The following LARP4B variants were observed in gnomAD, a reference collection of about 807,000 sequenced individuals.
LARP4B encodes the protein La ribonucleoprotein 4B, also known as la-related protein 4B.
Under a neutral mutation model 89.8 loss-of-function variants are expected in LARP4B, and 12 were observed. The observed-to-expected ratio is 0.13, with a 90% CI of 0.09 to 0.22. LARP4B has a LOEUF of 0.22. Among genes scored for constraint, LARP4B ranks in the 10% least tolerant of loss-of-function variants. LARP4B has a pLI of 1.00. For missense variants in LARP4B, 757 were observed against 947.7 expected, an observed-to-expected ratio of 0.80 and a Z score of 2.64; for synonymous variants, 367 against 363.3, an observed-to-expected ratio of 1.01 and a Z score of -0.12.
chr10:825,401 C>A, intron 12 of LARP4B, 85 bp from the exon 13 acceptor site: 1 of 1,295,898 alleles, frequency 7.7e-7, no homozygotes. Context: ...AATAGCTAAG[C>A]TGAAATCTGC....
intron 1 of LARP4B, among the ~76,000 whole-genome samples, chr10:927,194 T>C (rs534360086): frequency 1.3e-5 from 2 of 151,958 alleles, no homozygotes; most frequent in East Asian, 1.9e-4. Context: ...ATGGTTGAAA[T>C]AGGAGCCATG....
chr10:878,052 C>T (rs1294508278), intron 3 of LARP4B, among the ~76,000 whole-genome samples: 1 of 152,140 alleles, frequency 6.6e-6, no homozygotes, highest in Non-Finnish European at 1.5e-5. Context: ...GAAAGGGGCA[C>T]ACCAGAACCA....
chr10:821,401 G>C (rs1310990490), intron 13 of LARP4B, among the ~76,000 whole-genome samples: 1 of 152,106 alleles, frequency 6.6e-6, no homozygotes, highest in Non-Finnish European at 1.5e-5. Context: ...TCGCCTCCCA[G>C]CCTCAGGAAC....
At chr10:943,447 C>T in the LARP4B span, among the ~76,000 whole-genome samples, 1 of 150,668 alleles carries the variant, frequency 6.6e-6, no homozygotes, top group African/African-American at 2.4e-5. Context: ...TTTGTCTTTT[C>T]GAGACAGGGC....
chr10:963,957 T>G, the LARP4B span, among the ~76,000 whole-genome samples: 28 of 152,212 alleles, frequency 1.8e-4, no homozygotes, highest in Non-Finnish European at 2.9e-4. Flanking sequence ...GGGGGACACA[T>G]TCAAACCATA....
chr10:876,490 A>G (rs191480184), intron 3 of LARP4B, among the ~76,000 whole-genome samples: 39 of 152,384 alleles, frequency 2.6e-4, no homozygotes, highest in Admixed American at 5.2e-4. Context: ...AATATTAAAT[A>G]TTAAGCCTCT....
At chr10:964,295 G>A in the LARP4B span, among the ~76,000 whole-genome samples, 8 of 152,326 alleles carry the variant, frequency 5.3e-5, no homozygotes, top group South Asian at 2.1e-4. Flanking sequence ...TCGAACTCCC[G>A]ACCTCGTGAT....
the LARP4B span, among the ~76,000 whole-genome samples, chr10:946,894 A>C: frequency 6.6e-6 from 1 of 151,958 alleles, no homozygotes; most frequent in African/African-American, 2.4e-5. Flanking sequence ...TTTGAGACAG[A>C]GTCTTGCTCT....
At chr10:835,978 G>A (rs1833196031) in intron 8 of LARP4B, among the ~76,000 whole-genome samples, 1 of 152,034 alleles carries the variant, frequency 6.6e-6, no homozygotes. Flanking sequence ...TTCTCTAAGA[G>A]TGGCCGTGCT....
At chr10:947,691 G>A in the LARP4B span, among the ~76,000 whole-genome samples, 8 of 152,158 alleles carry the variant, frequency 5.3e-5, no homozygotes, top group East Asian at 1.9e-4. Flanking sequence ...GCGCAATCTC[G>A]GCTCACCGCA....
the LARP4B span, among the ~76,000 whole-genome samples, chr10:964,422 G>GTT: frequency 6.6e-6 from 1 of 150,742 alleles, no homozygotes; most frequent in Non-Finnish European, 1.5e-5. Context: ...AGTTATATCT[G>GTT]TTTTTTTTTT....
At chr10:943,832 G>A in the LARP4B span, among the ~76,000 whole-genome samples, 12 of 152,052 alleles carry the variant, frequency 7.9e-5, no homozygotes, top group South Asian at 2.1e-4. Context: ...TGTCTACTTC[G>A]CAGCTTTCTT....
intron 5 of LARP4B, among the ~76,000 whole-genome samples, chr10:862,711 T>C (rs1288899656): frequency 1.3e-5 from 2 of 151,756 alleles, no homozygotes; most frequent in East Asian, 1.9e-4. Flanking sequence ...AGTGAGCCGA[T>C]GTCTCACCAC....
intron 1 of LARP4B, among the ~76,000 whole-genome samples, chr10:925,051 T>A (rs1007652242): frequency 2.0e-5 from 3 of 152,208 alleles, no homozygotes; most frequent in Non-Finnish European, 4.4e-5. Context: ...TCATAAATAC[T>A]ATGAAAAAAG....
At chr10:827,880 T>C (rs1459820786) in intron 11 of LARP4B, among the ~76,000 whole-genome samples, 1 of 152,198 alleles carries the variant, frequency 6.6e-6, no homozygotes, top group African/African-American at 2.4e-5. Flanking sequence ...TTATAGAATG[T>C]GCTACTTCAA....
At chr10:885,504 CT>C (rs1835828411) in intron 2 of LARP4B, 136 bp downstream of exon 2, 1 of 546,360 alleles carries the variant, frequency 1.8e-6, no homozygotes, top group Non-Finnish European at 3.2e-6. Context: ...CTTTTCTCCC[CT>C]ACGAGACTCT....
intron 1 of LARP4B, among the ~76,000 whole-genome samples, chr10:894,666 T>C (rs536724372): frequency 1.3e-4 from 20 of 152,242 alleles, no homozygotes; most frequent in Non-Finnish European, 2.6e-4. Flanking sequence ...AGTATTGTTA[T>C]ATTTATTTTA....
intron 3 of LARP4B, among the ~76,000 whole-genome samples, chr10:867,909 A>G (rs1223750609): frequency 5.3e-5 from 8 of 150,344 alleles, no homozygotes; most frequent in East Asian, 2.0e-4. Flanking sequence ...CTGCTTGACT[A>G]TAAGTCTTAT....
chr10:978,761 C>G, the LARP4B span, among the ~76,000 whole-genome samples: 1 of 152,162 alleles, frequency 6.6e-6, no homozygotes, highest in Non-Finnish European at 1.5e-5. Context: ...GTTCCTCATT[C>G]TGATCACTTT....
Sources: allele counts gnomAD v4.1 joint callset (sites outside exome capture counted in the v4.1 genomes callset), GRCh38; gene constraint gnomAD v4.1.1; transcripts MANE v1.5; gene names NCBI Gene and HGNC (gene_info 2026-07-23, HGNC 2026-07-21).